AGPS: variants seen among roughly 807,000 people sequenced by gnomAD.
AGPS encodes alkyldihydroxyacetonephosphate synthase, peroxisomal.
A neutral mutation model predicts 90.7 loss-of-function variants in AGPS; 26 were observed. The ratio of observed to expected loss-of-function variants is 0.29; its 90% confidence interval spans 0.21 to 0.40. The LOEUF (loss-of-function observed/expected upper bound fraction) is 0.40. AGPS is among the 10% of genes least tolerant of loss of function. The probability of loss-of-function intolerance (pLI) is 1.00; values close to 1 mark genes in which losing one functional copy is unlikely to be tolerated. For missense variants in AGPS, 540 were observed against 816.1 expected (o/e 0.66, Z 4.12); for synonymous variants, 294 against 285.3 (o/e 1.03, Z -0.31).
intron 12 of AGPS, among the ~76,000 whole-genome samples, chr2:177,494,879 C>T (rs1034767228): frequency 1.3e-5 from 2 of 152,046 alleles, no homozygotes; most frequent in Non-Finnish European, 2.9e-5. Flanking sequence ...TTAATATATC[C>T]TGCCATGGCT....
In AGPS at chr2:177,420,245, T is replaced by TTA. The variant is rs1279448934; in HGVS notation, c.261-16_261-15dup. 2.1e-6 allele frequency: 3 copies of TTA among 1,443,888 alleles called. No homozygotes were observed. In the Admixed American group the frequency reaches 5.0e-5, roughly 24 times the overall value. 89.4% of individuals were successfully genotyped at this position (1,443,888 alleles called of 1,614,324 possible). ...TTAAGATGTTTAGCATTGGTCTCAC[T>TTA]TATATATATTTTCTTCTCACTAGGC... On this transcript the variant is annotated intron_variant, in intron 1 of 19. Coordinates refer to ENST00000264167, the MANE Select transcript of AGPS (RefSeq NM_003659.4).
chr2:177,503,303 C>A (rs1201531065), intron 14 of AGPS, among the ~76,000 whole-genome samples: 1 of 152,310 alleles, frequency 6.6e-6, no homozygotes, highest in East Asian at 1.9e-4. Flanking sequence ...TACCTGTCAG[C>A]ACTCATGACA....
At chr2:177,524,464 G>C (rs1267198060) in intron 19 of AGPS, among the ~76,000 whole-genome samples, 1 of 152,146 alleles carries the variant, frequency 6.6e-6, no homozygotes, top group African/African-American at 2.4e-5. Context: ...GGCAATGTTT[G>C]AGGTTATCCA....
chr2:177,394,220 G>A (rs1375007228), intron 1 of AGPS, among the ~76,000 whole-genome samples: 2 of 152,198 alleles, frequency 1.3e-5, no homozygotes, highest in Admixed American at 6.5e-5. Flanking sequence ...CTTAAGGAAG[G>A]AATAGCTTAG....
Position 177,442,567 on chromosome 2 carries a change from C to T in AGPS, c.789+81C>T, listed in dbSNP as rs1187731322. On this transcript the variant is annotated intron_variant, in intron 7 of 19. Transcript: ENST00000264167. ...TTGTCATTAAAAAAGAATCTAGCCA[C>T]TGGGCGCTGTGGCTCACGCTTGTAA... is the stretch of plus-strand genomic sequence containing the variant. 1.4e-5 allele frequency: 17 copies of T among 1,188,874 alleles called. No individual in the cohort carries two copies. In the East Asian group the frequency reaches 3.0e-4, roughly 21 times the overall value. 73.6% of individuals were successfully genotyped at this position (1,188,874 alleles called of 1,614,324 possible). A position where few individuals can be genotyped will look rare whatever the true frequency, so the allele number is the denominator to read the frequency against.
chr2:177,539,879 G>T lies in AGPS; in HGVS notation c.*1684G>T, dbSNP rs1174944975. 6.6e-6 allele frequency: 1 copy of T among 151,260 alleles called. No individual in the cohort carries two copies. The allele number at this position is 151,260 out of a possible 1,614,324, so 9.4% of individuals were successfully genotyped here. On this transcript the variant is annotated 3_prime_UTR_variant, in exon 20 of 20. Coordinates refer to ENST00000264167, the MANE Select transcript of AGPS (RefSeq NM_003659.4). ...AATTTCCAACAGATCTTTGCTTTAA[G>T]CCCTTGATATTTGACCTAGTTGGAC...
chr2:177,392,863 G>A lies in AGPS; in HGVS notation c.74G>A (p.Arg25Gln), dbSNP rs1311638855. The stretch of plus-strand genomic sequence containing the variant: ...GCGAGCTACGGGTCTGCAGCGGACC[G>A]GGACCGGGACCCGGACCCGGACCGC... ...AGASYGSAAD[R>Q]DRDPDPDRAG... is the part of the protein sequence containing the mutation. The change falls in exon 1 of 20, where the codon CGG becomes CAG. Residue 25 changes from arginine to glutamine, a missense_variant. This residue lies in a region of AGPS where 135 missense variants were observed against 124.0 expected (regional missense o/e 1.09). Coordinates refer to ENST00000264167, the MANE Select transcript of AGPS (RefSeq NM_003659.4). 4 of 1,553,026 alleles carry A rather than the reference G, an allele frequency of 2.6e-6. No individual in the cohort carries two copies. Among genetic ancestry groups the A allele is most frequent in the Non-Finnish European group, 3.5e-6 (4 of 1,152,068 alleles).
At chr2:177,434,287 G>T (rs754114692) in intron 2 of AGPS, 40 bp from the exon 3 acceptor site, 251 of 1,420,846 alleles carry the variant, frequency 1.8e-4, no homozygotes, top group Non-Finnish European at 2.4e-4. Context: ...TTTAAATGAA[G>T]ATACTTTGCT....
At chr2:177,409,387 A>G (rs1324493367) in intron 1 of AGPS, among the ~76,000 whole-genome samples, 1 of 59,126 alleles carries the variant, frequency 1.7e-5, no homozygotes, top group East Asian at 7.1e-4. Context: ...ATATGATTTG[A>G]CTTTTTTTTT....
chr2:177,460,585 C>CTTT (rs1274461452), intron 8 of AGPS, among the ~76,000 whole-genome samples: 2 of 152,046 alleles, frequency 1.3e-5, no homozygotes, highest in African/African-American at 4.8e-5. Context: ...CCATGAATGT[C>CTTT]TTTTTTTCTT....
At chr2:177,437,770 A>G (rs556004473) in intron 5 of AGPS, among the ~76,000 whole-genome samples, 2 of 152,164 alleles carry the variant, frequency 1.3e-5, no homozygotes, top group South Asian at 4.1e-4. Flanking sequence ...TTATTTTTTA[A>G]TAAATTGGCT....
At chr2:177,448,395 CTGTAGA>C (rs1377731249) in intron 8 of AGPS, among the ~76,000 whole-genome samples, 1 of 152,168 alleles carries the variant, frequency 6.6e-6, no homozygotes, top group African/African-American at 2.4e-5. Context: ...TTTTTATGTG[CTGTAGA>C]CTCCAAAATT....
At chr2:177,482,468 T>G (rs1687974002) in intron 11 of AGPS, among the ~76,000 whole-genome samples, 1 of 152,056 alleles carries the variant, frequency 6.6e-6, no homozygotes, top group Admixed American at 6.6e-5. Context: ...GTACTTTGAT[T>G]GGTAGCTTCA....
chr2:177,501,491 T>A (rs954447600), intron 14 of AGPS, among the ~76,000 whole-genome samples: 2 of 152,226 alleles, frequency 1.3e-5, no homozygotes, highest in African/African-American at 4.8e-5. Context: ...TAGTTCATTC[T>A]AGATACTTGA....
At position 177,538,450 on chromosome 2, in the gene AGPS, C is replaced by T. The variant is rs2079203287; in HGVS notation, c.*255C>T. The T allele has an allele frequency of 2.1e-6, 1 of 469,330 alleles. No homozygotes were observed. The highest frequency in any genetic ancestry group is 2.3e-5 in the South Asian group (1 of 44,206). The allele number at this position is 469,330 out of a possible 1,614,324, so 29.1% of individuals were successfully genotyped here. On this transcript the variant is annotated 3_prime_UTR_variant, in exon 20 of 20. Transcript: ENST00000264167. ...GTCATTTCAAATTTTAGTCAGGCAG[C>T]ACAAAGCTGTCAATTATTCCAGAGG...
chr2:177,420,603 A>G (rs1685916262), intron 2 of AGPS, among the ~76,000 whole-genome samples: 1 of 151,554 alleles, frequency 6.6e-6, no homozygotes, highest in Admixed American at 6.6e-5. Flanking sequence ...ACCTAATATA[A>G]CCAATTATAT....
At chr2:177,496,361 A>G (rs2105708760) in intron 12 of AGPS, among the ~76,000 whole-genome samples, 1 of 152,300 alleles carries the variant, frequency 6.6e-6, no homozygotes, top group South Asian at 2.1e-4. Flanking sequence ...TTGTTAATAT[A>G]GGATGAGTTC....
chr2:177,506,478 A>G (rs1228999363), intron 15 of AGPS, among the ~76,000 whole-genome samples: 1 of 151,906 alleles, frequency 6.6e-6, no homozygotes, highest in Non-Finnish European at 1.5e-5. Flanking sequence ...TAAATTTACT[A>G]ATTTTTCTCT....
chr2:177,477,570 G>A (rs904064227), intron 10 of AGPS, among the ~76,000 whole-genome samples: 1 of 152,096 alleles, frequency 6.6e-6, no homozygotes, highest in African/African-American at 2.4e-5. Context: ...CAACTGGTAA[G>A]TATAATGCAT....
Sources: gnomAD v4.1 joint callset for allele counts (sites outside exome capture counted in the v4.1 genomes callset) on GRCh38, gnomAD v4.1.1 for gene constraint, gnomAD v4.1.1 regional missense constraint, MANE v1.5 for transcripts, NCBI Gene and HGNC (gene_info 2026-07-23, HGNC 2026-07-21) for gene names.